TMCO5A: variants seen among roughly 807,000 people sequenced by gnomAD.
TMCO5A encodes transmembrane and coiled-coil domain-containing protein 5A.
A neutral mutation model predicts 42.3 loss-of-function variants in TMCO5A; 34 were observed. The observed-to-expected ratio is 0.80, with a 90% CI of 0.61 to 1.07. The LOEUF (loss-of-function observed/expected upper bound fraction) is 1.07, where lower values mean the gene tolerates loss of function less well. Among genes scored for constraint, TMCO5A ranks in the 50% least tolerant of loss-of-function variants. TMCO5A has a pLI of 0.00. For missense variants in TMCO5A, 357 were observed against 327.9 expected, an observed-to-expected ratio of 1.09 and a Z score of -0.69; for synonymous variants, 131 against 115.6, an observed-to-expected ratio of 1.13 and a Z score of -0.86.
intron 11 of TMCO5A, among the ~76,000 whole-genome samples, chr15:37,961,961 G>C (rs751844635): frequency 6.6e-6 from 1 of 151,892 alleles, no homozygotes; most frequent in Non-Finnish European, 1.5e-5. Flanking sequence ...GGTTTTCAAG[G>C]TAAACAATCA....
the TMCO5A span, among the ~76,000 whole-genome samples, chr15:38,007,964 C>T: frequency 8.9e-5 from 12 of 135,148 alleles, no homozygotes; most frequent in Non-Finnish European, 4.6e-5. Flanking sequence ...GGCACGATCT[C>T]GGCTCACTGC....
chr15:38,027,659 G>A, the TMCO5A span, among the ~76,000 whole-genome samples: 1 of 152,116 alleles, frequency 6.6e-6, no homozygotes, highest in Admixed American at 6.6e-5. Flanking sequence ...GAATGATATG[G>A]TTTGGCTCTG....
At chr15:38,021,812 C>CTT in the TMCO5A span, among the ~76,000 whole-genome samples, 9 of 136,300 alleles carry the variant, frequency 6.6e-5, no homozygotes, top group South Asian at 9.6e-4. Flanking sequence ...TCGACAGTTT[C>CTT]TTTTTTTTTT....
At chr15:37,938,315 G>C (rs1051340849) in intron 6 of TMCO5A, 86 bp downstream of exon 6, 3 of 1,183,998 alleles carry the variant, frequency 2.5e-6, no homozygotes, top group Non-Finnish European at 3.6e-6. Context: ...TCAACGTTGT[G>C]ACAAATTCTT....
chr15:37,993,163 C>T, the TMCO5A span, among the ~76,000 whole-genome samples: 1 of 151,908 alleles, frequency 6.6e-6, no homozygotes, highest in Non-Finnish European at 1.5e-5. Flanking sequence ...AGTCCTTGAG[C>T]ATCTTTATGA....
the TMCO5A span, among the ~76,000 whole-genome samples, chr15:38,034,881 G>A: frequency 6.6e-6 from 1 of 152,004 alleles, no homozygotes; most frequent in Non-Finnish European, 1.5e-5. Flanking sequence ...GGATCTTATG[G>A]GACAAAAGAA....
chr15:38,029,403 ACACT>A, the TMCO5A span, among the ~76,000 whole-genome samples: 14 of 146,868 alleles, frequency 9.5e-5, no homozygotes, highest in Admixed American at 8.9e-4. Context: ...ACACACACAC[ACACT>A]GTGTTTGACT....
chr15:38,032,134 T>C, the TMCO5A span, among the ~76,000 whole-genome samples: 70 of 152,224 alleles, frequency 4.6e-4, no homozygotes, highest in Middle Eastern at 0.01. Flanking sequence ...TTTGTATTTT[T>C]AGTAGAGACA....
At chr15:37,949,831 T>A (rs1890097138) in intron 11 of TMCO5A, among the ~76,000 whole-genome samples, 1 of 152,206 alleles carries the variant, frequency 6.6e-6, no homozygotes. Flanking sequence ...GTGGGCCAAG[T>A]GGTACTAGCC....
intron 11 of TMCO5A, among the ~76,000 whole-genome samples, chr15:37,959,088 G>T (rs190680805): frequency 2.0e-5 from 3 of 151,824 alleles, no homozygotes; most frequent in Non-Finnish European, 4.4e-5. Context: ...TGGACACAGA[G>T]GGGAACATCA....
At chr15:38,025,838 C>T in the TMCO5A span, among the ~76,000 whole-genome samples, 11 of 152,134 alleles carry the variant, frequency 7.2e-5, no homozygotes, top group African/African-American at 2.4e-4. Flanking sequence ...GGTGGTTCCC[C>T]CATACTGTTC....
chr15:38,018,838 AAC>A, the TMCO5A span, among the ~76,000 whole-genome samples: 148 of 152,262 alleles, frequency 9.7e-4, no homozygotes, highest in African/African-American at 3.4e-3. Flanking sequence ...TTTCCAGAGA[AAC>A]ACAACAATTT....
the TMCO5A span, among the ~76,000 whole-genome samples, chr15:38,003,067 G>T: frequency 1.3e-5 from 2 of 152,162 alleles, no homozygotes; most frequent in Non-Finnish European, 2.9e-5. Flanking sequence ...CACTGCAGTT[G>T]CATGTGCATT....
the TMCO5A span, among the ~76,000 whole-genome samples, chr15:38,037,776 A>G: frequency 2.0e-5 from 3 of 152,202 alleles, no homozygotes; most frequent in African/African-American, 7.2e-5. Context: ...GCAAGTTGGG[A>G]GGCCAAGGCA....
intron 11 of TMCO5A, among the ~76,000 whole-genome samples, chr15:37,960,918 T>C (rs955720766): frequency 1.3e-5 from 2 of 152,026 alleles, no homozygotes; most frequent in African/African-American, 2.4e-5. Context: ...TTGTTCTAGA[T>C]TCTGAATATA....
chr15:37,955,926 T>G (rs1458570184), downstream of TMCO5A, among the ~76,000 whole-genome samples: 1 of 152,084 alleles, frequency 6.6e-6, no homozygotes, highest in Non-Finnish European at 1.5e-5. Flanking sequence ...AAATTAGAAC[T>G]CAGGATTAAG....
the TMCO5A span, among the ~76,000 whole-genome samples, chr15:38,027,408 T>C: frequency 6.6e-6 from 1 of 152,148 alleles, no homozygotes; most frequent in African/African-American, 2.4e-5. Flanking sequence ...GGCCAATTTC[T>C]CCCATTTGGA....
At chr15:37,995,503 A>C in the TMCO5A span, among the ~76,000 whole-genome samples, 3 of 152,242 alleles carry the variant, frequency 2.0e-5, no homozygotes, top group Non-Finnish European at 4.4e-5. Flanking sequence ...AATGGTTAGA[A>C]AGTTGCCTCA....
At chr15:37,963,868 C>T (rs1369903226) in intron 11 of TMCO5A, among the ~76,000 whole-genome samples, 2 of 152,130 alleles carry the variant, frequency 1.3e-5, no homozygotes, top group Non-Finnish European at 2.9e-5. Flanking sequence ...ATAAGAATAG[C>T]TACCTCTTCC....
Sources: allele counts gnomAD v4.1 joint callset (sites outside exome capture counted in the v4.1 genomes callset), GRCh38; gene constraint gnomAD v4.1.1; transcripts MANE v1.5; gene names NCBI Gene and HGNC (gene_info 2026-07-23, HGNC 2026-07-21).